Variants in DAB1 observed in about 807,000 individuals in gnomAD.
The protein encoded by DAB1 is DAB adaptor protein 1.
A neutral mutation model predicts 64.6 loss-of-function variants in DAB1; 15 were observed. The observed-to-expected ratio is 0.23, with a 90% CI of 0.16 to 0.36. DAB1 has a LOEUF of 0.36. DAB1 is among the 10% of genes least tolerant of loss of function. The pLI is 1.00. For missense variants in DAB1, 596 were observed against 706.7 expected (o/e 0.84, Z 1.78); for synonymous variants, 235 against 251.9 (o/e 0.93, Z 0.64).
At chr1:58,449,175 G>A (rs575385253) in intron 3 of DAB1, among the ~76,000 whole-genome samples, 27 of 152,174 alleles carry the variant, frequency 1.8e-4, no homozygotes, top group Non-Finnish European at 3.5e-4. Flanking sequence ...TGCACGTATC[G>A]CGGGAATGAA....
At position 57,079,224 on chromosome 1, in the gene DAB1, G is replaced by A. The variant is rs1006477827; in HGVS notation, c.307-6810C>T. On this transcript the variant is annotated intron_variant, in intron 4 of 14. Coordinates refer to ENST00000371236, the MANE Select transcript of DAB1 (RefSeq NM_001365792.1). ...TGCTAATTTTTGCTACAATCAAAAT[G>A]CTGTTTAATAAGATGGTTTTTTCTT... Among the ~76,000 whole-genome samples, 4 of 152,224 alleles carry A rather than the reference G, an allele frequency of 2.6e-5. No homozygotes were observed. In the East Asian group the frequency reaches 7.7e-4, roughly 29 times the overall value.
intron 1 of DAB1, among the ~76,000 whole-genome samples, chr1:57,324,823 C>T (rs78433636): frequency 0.1 from 15,360 of 152,154 alleles, 899 homozygotes; most frequent in African/African-American, 0.15. Context: ...TCCATCCCAG[C>T]CATCCTCCAC....
chr1:57,098,278 A>T (rs1192875633), intron 4 of DAB1, among the ~76,000 whole-genome samples: 1 of 152,092 alleles, frequency 6.6e-6, no homozygotes, highest in Non-Finnish European at 1.5e-5. Flanking sequence ...TTGGCCTTTT[A>T]TTTATATAGT....
chr1:57,473,516 A>G (rs1365630600), intron 7 of DAB1, among the ~76,000 whole-genome samples: 1 of 152,236 alleles, frequency 6.6e-6, no homozygotes, highest in Non-Finnish European at 1.5e-5. Context: ...ATCATTTGCA[A>G]AAGAATCCCT....
intron 5 of DAB1, among the ~76,000 whole-genome samples, chr1:57,982,914 G>T (rs1044824179): frequency 4.6e-5 from 7 of 152,118 alleles, no homozygotes; most frequent in African/African-American, 1.7e-4. Context: ...CTTCATGCTG[G>T]GCTTGAGGTA....
intron 2 of DAB1, among the ~76,000 whole-genome samples, chr1:58,524,043 GTATTA>G (rs375696299): frequency 6.6e-6 from 1 of 152,300 alleles, no homozygotes; most frequent in East Asian, 1.9e-4. Context: ...CTGGCAGCTG[GTATTA>G]TCTTTTTCCT....
chr1:57,634,138 A>G (rs1348203481), intron 7 of DAB1, among the ~76,000 whole-genome samples: 1 of 152,240 alleles, frequency 6.6e-6, no homozygotes, highest in Admixed American at 6.5e-5. Context: ...AGCATTTGAC[A>G]CACTTTAAGG....
chr1:57,149,060 T>G (rs968626970), intron 2 of DAB1, among the ~76,000 whole-genome samples: 2 of 152,224 alleles, frequency 1.3e-5, no homozygotes, highest in African/African-American at 4.8e-5. Flanking sequence ...TCTTTATACA[T>G]TTGCCTATTC....
intron 7 of DAB1, among the ~76,000 whole-genome samples, chr1:57,525,939 CTTTT>C (rs11299622): frequency 2.2e-5 from 3 of 137,762 alleles, no homozygotes; most frequent in Admixed American, 7.3e-5. Context: ...AATAGCATTT[CTTTT>C]TTTTTTTTTT....
chr1:57,495,542 T>G (rs1298967496), intron 7 of DAB1, among the ~76,000 whole-genome samples: 1 of 152,216 alleles, frequency 6.6e-6, no homozygotes, highest in East Asian at 1.9e-4. Context: ...TGAGCAGCTC[T>G]GACCAAGTGT....
At chr1:58,047,466 G>C (rs1005838274) in intron 5 of DAB1, among the ~76,000 whole-genome samples, 1 of 152,258 alleles carries the variant, frequency 6.6e-6, no homozygotes, top group Non-Finnish European at 1.5e-5. Flanking sequence ...ACAGGTGAGT[G>C]GCATCTCACA....
At chr1:57,829,793 C>T (rs1406115395) in intron 1 of DAB1, among the ~76,000 whole-genome samples, 1 of 152,154 alleles carries the variant, frequency 6.6e-6, no homozygotes, top group African/African-American at 2.4e-5. Context: ...ACGACTACAG[C>T]CCCAAATTGC....
intron 4 of DAB1, among the ~76,000 whole-genome samples, chr1:57,099,234 C>T (rs1276229893): frequency 6.6e-6 from 1 of 152,198 alleles, no homozygotes; most frequent in Non-Finnish European, 1.5e-5. Context: ...AGACAAAATA[C>T]TTGATCTCTC....
chr1:57,946,322 G>A (rs1645183397), intron 5 of DAB1, among the ~76,000 whole-genome samples: 1 of 152,190 alleles, frequency 6.6e-6, no homozygotes, highest in African/African-American at 2.4e-5. Context: ...TTAGCAAAGA[G>A]CTAAAGTATT....
intron 6 of DAB1, among the ~76,000 whole-genome samples, chr1:57,759,958 T>C (rs1476401160): frequency 6.6e-6 from 1 of 152,160 alleles, no homozygotes; most frequent in Non-Finnish European, 1.5e-5. Flanking sequence ...GACCTTTGTA[T>C]GCTCTGAAAC....
chr1:58,412,346 G>A (rs1022114281), intron 3 of DAB1, among the ~76,000 whole-genome samples: 1 of 150,554 alleles, frequency 6.6e-6, no homozygotes, highest in African/African-American at 2.4e-5. Flanking sequence ...TCTCAGTTAT[G>A]TAACCCAGTA....
intron 9 of DAB1, among the ~76,000 whole-genome samples, chr1:57,057,039 G>C (rs1366845243): frequency 1.3e-5 from 2 of 152,112 alleles, no homozygotes; most frequent in Non-Finnish European, 2.9e-5. Flanking sequence ...CTCATGGTGA[G>C]AGAAAGGAGG....
intron 2 of DAB1, among the ~76,000 whole-genome samples, chr1:57,261,982 C>A (rs1670217643): frequency 6.6e-6 from 1 of 152,226 alleles, no homozygotes; most frequent in South Asian, 2.1e-4. Flanking sequence ...AAAAGAGGCA[C>A]AGCTACTGTC....
chr1:57,790,400 C>T (rs1476951349), intron 6 of DAB1, among the ~76,000 whole-genome samples: 2 of 152,152 alleles, frequency 1.3e-5, no homozygotes, highest in Non-Finnish European at 2.9e-5. Context: ...TGTAAATTTC[C>T]TGAGGCTTCC....
Sources: allele counts gnomAD v4.1 joint callset (sites outside exome capture counted in the v4.1 genomes callset), GRCh38; gene constraint gnomAD v4.1.1; transcripts MANE v1.5; gene names NCBI Gene and HGNC (gene_info 2026-07-23, HGNC 2026-07-21).